The following NCOA1 variants were observed in gnomAD, a reference collection of about 807,000 sequenced individuals.
NCOA1 encodes Hin-2 protein.
Under a neutral mutation model 150.9 loss-of-function variants are expected in NCOA1, and 35 were observed. The ratio of observed to expected loss-of-function variants is 0.23; its 90% CI spans 0.18 to 0.31. NCOA1 has a LOEUF of 0.31. Ranked by LOEUF, NCOA1 falls within the 10% of genes least tolerant of loss-of-function variation. NCOA1 has a pLI of 1.00. For missense variants in NCOA1, 1,491 were observed against 1,749.3 expected, an observed-to-expected ratio of 0.85 and a Z score of 2.63; for synonymous variants, 590 against 630.0, an observed-to-expected ratio of 0.94 and a Z score of 0.95.
Position 24,705,078 on chromosome 2 carries a change from T to G in NCOA1, c.950-8T>G. 6.2e-7 allele frequency: 1 copy of G among 1,610,938 alleles called. No individual in the cohort carries two copies. Among genetic ancestry groups the G allele is most frequent in the Non-Finnish European group, 8.5e-7 (1 of 1,178,336 alleles). The stretch of plus-strand genomic sequence containing the variant: ...ATTTTAACTAGGTTTCTCTTCTGTT[T>G]GAAACAGTGATGACTCGTGGCACTG... On this transcript the variant is annotated splice_polypyrimidine_tract_variant and splice_region_variant and intron_variant, in intron 11 of 22. Transcript: ENST00000348332.
Position 24,612,557 on chromosome 2 carries a change from A to G in NCOA1, c.-175+27997A>G, listed in dbSNP as rs188436204. Among the ~76,000 whole-genome samples the G allele has an allele frequency of 1.2e-4, 18 of 152,230 alleles. No individual in the cohort carries two copies. The East Asian group carries it at 3.1e-3, about 26-fold the overall frequency. ...AAATTTGGTTGCTTTACATAATCCC[A>G]TATTTCTTAAAGACTTTGTTCCTTT... On this transcript the variant is annotated intron_variant, in intron 3 of 22. Transcript: ENST00000348332.
intron 1 of NCOA1, among the ~76,000 whole-genome samples, chr2:24,525,839 A>G (rs1291818810): frequency 2.0e-5 from 3 of 152,020 alleles, no homozygotes; most frequent in African/African-American, 7.2e-5. Flanking sequence ...TGAGCCCCCG[A>G]GCCCGACCTT....
chr2:24,697,929 A>G, intron 11 of NCOA1, 131 bp downstream of exon 11: 1 of 1,024,436 alleles, frequency 9.8e-7, no homozygotes. Context: ...GTTTTAGGAA[A>G]GGAAGAAATG....
chr2:24,557,423 G>T (rs1373749232), intron 1 of NCOA1, among the ~76,000 whole-genome samples: 1 of 151,968 alleles, frequency 6.6e-6, no homozygotes, highest in Non-Finnish European at 1.5e-5. Context: ...AATCTACGGT[G>T]AACAAAGTAA....
chr2:24,497,816 T>G (rs1315660215), intron 1 of NCOA1, among the ~76,000 whole-genome samples: 1 of 152,232 alleles, frequency 6.6e-6, no homozygotes, highest in Non-Finnish European at 1.5e-5. Context: ...CAAGTTTTGT[T>G]GGTATTTAAA....
In NCOA1 at chr2:24,628,026, G is replaced by A. The variant is rs930731863; in HGVS notation, c.-174-15940G>A. ...ATATTAATAATCTGGGAGGCCGGGC[G>A]CGGTGGCTCACGCCTGTAATCCCAG... is the stretch of plus-strand genomic sequence containing the variant. On this transcript the variant is annotated intron_variant, in intron 3 of 22. Coordinates refer to ENST00000348332, the MANE Select transcript of NCOA1 (RefSeq NM_003743.5). Among the ~76,000 whole-genome samples, 14 of 152,116 alleles carry A rather than the reference G, an allele frequency of 9.2e-5. No homozygotes were observed. In the South Asian group the frequency reaches 1.7e-3, roughly 18 times the overall value.
At chr2:24,694,104 G>A (rs532019821) in intron 10 of NCOA1, among the ~76,000 whole-genome samples, 3 of 152,290 alleles carry the variant, frequency 2.0e-5, no homozygotes, top group East Asian at 3.9e-4. Context: ...TAAGTTAGAA[G>A]TACTAGAAGG....
At chr2:24,741,385 G>A (rs1258972980) in intron 18 of NCOA1, among the ~76,000 whole-genome samples, 1 of 152,144 alleles carries the variant, frequency 6.6e-6, no homozygotes, top group Non-Finnish European at 1.5e-5. Context: ...GGATAGGACA[G>A]AAGTCATCAA....
chr2:24,542,937 A>G (rs1665460857), intron 1 of NCOA1, among the ~76,000 whole-genome samples: 1 of 152,238 alleles, frequency 6.6e-6, no homozygotes, highest in South Asian at 2.1e-4. Context: ...TCTAAGCCAC[A>G]GAAATAACAA....
intron 1 of NCOA1, among the ~76,000 whole-genome samples, chr2:24,527,101 A>G (rs1056118859): frequency 2.0e-5 from 3 of 152,194 alleles, no homozygotes; most frequent in Admixed American, 6.5e-5. Context: ...CTATATAGTA[A>G]AATAGTTACT....
At chr2:24,616,978 C>T (rs1195151241) in intron 3 of NCOA1, among the ~76,000 whole-genome samples, 2 of 152,088 alleles carry the variant, frequency 1.3e-5, no homozygotes, top group Non-Finnish European at 2.9e-5. Flanking sequence ...ACTGTGATGA[C>T]AAATCTTAGT....
At chr2:24,556,604 G>A (rs980072865) in intron 1 of NCOA1, among the ~76,000 whole-genome samples, 1 of 152,298 alleles carries the variant, frequency 6.6e-6, no homozygotes, top group African/African-American at 2.4e-5. Flanking sequence ...AGACATTTAT[G>A]TGGCCAACAA....
At chr2:24,534,580 G>C (rs1665044502) in intron 1 of NCOA1, among the ~76,000 whole-genome samples, 1 of 151,728 alleles carries the variant, frequency 6.6e-6, no homozygotes, top group South Asian at 2.1e-4. Flanking sequence ...TTCTCTTGTG[G>C]GCATTTAGTG....
In NCOA1 at chr2:24,642,037, T is replaced by TGTGTGTGTGTGTGTGTGTGTGCGC. The variant is rs942145000; in HGVS notation, c.-174-1928_-174-1927insTGTGTGTGTGTGTGTGTGTGCGCG. Among the ~76,000 whole-genome samples, 66 of 138,558 alleles carry TGTGTGTGTGTGTGTGTGTGTGCGC rather than the reference T, an allele frequency of 4.8e-4. 2 individuals are homozygous for TGTGTGTGTGTGTGTGTGTGTGCGC. Among genetic ancestry groups the TGTGTGTGTGTGTGTGTGTGTGCGC allele is most frequent in the East Asian group, 3.1e-3 (11 of 3,560 alleles). The allele number at this position is 138,558 out of a possible 152,430, so 90.9% of individuals were successfully genotyped here. ...GTGTGTGTGTGTGTGTGTGTGTGTG[T>TGTGTGTGTGTGTGTGTGTGTGCGC]GCGCGCGTGCGTATGTGTGTGTGTA... is the stretch of plus-strand genomic sequence containing the variant. On this transcript the variant is annotated intron_variant, in intron 3 of 22. Transcript: ENST00000348332.
rs567527888 is a variant in NCOA1 at position 24,658,789 on chromosome 2, A to G, written c.89+23A>G. 6.2e-5 allele frequency: 99 copies of G among 1,608,926 alleles called. 1 individual carries two copies. Among genetic ancestry groups the G allele is most frequent in the South Asian group, 5.6e-4 (51 of 90,866 alleles). On this transcript the variant is annotated intron_variant, in intron 5 of 22. Transcript: ENST00000348332. The stretch of plus-strand genomic sequence containing the variant: ...AAGGTAGGAACACTCCTCTTAGTCT[A>G]TTTTTGGCAGAGCTGCTTTATTACT...
Position 24,758,180 on chromosome 2 carries a change from C to T in NCOA1, c.4065+24C>T, listed in dbSNP as rs374125688. 4 of 1,584,832 alleles carry T rather than the reference C, an allele frequency of 2.5e-6. No individual in the cohort carries two copies. The African/African-American group carries it at 4.0e-5, about 16-fold the overall frequency. On this transcript the variant is annotated intron_variant, in intron 21 of 22. Coordinates refer to ENST00000348332, the MANE Select transcript of NCOA1 (RefSeq NM_003743.5). ...AGGTAAGTGGCACACTCGCCACACA[C>T]ATGCCACACCACATCACAGTTAATT... is the stretch of plus-strand genomic sequence containing the variant.
At chr2:24,506,910 G>T (rs1054469595) in intron 1 of NCOA1, among the ~76,000 whole-genome samples, 8 of 152,156 alleles carry the variant, frequency 5.3e-5, no homozygotes, top group African/African-American at 1.9e-4. Flanking sequence ...TGCTTTTACA[G>T]AATTGTTCTT....
At chr2:24,732,812 ATAAC>A (rs1663085623) in intron 17 of NCOA1, among the ~76,000 whole-genome samples, 3 of 152,112 alleles carry the variant, frequency 2.0e-5, no homozygotes, top group Non-Finnish European at 4.4e-5. Context: ...AAACAAAACT[ATAAC>A]TAGCAGAAGA....
chr2:24,750,770 A>G (rs1664183931), intron 19 of NCOA1, among the ~76,000 whole-genome samples: 1 of 152,052 alleles, frequency 6.6e-6, no homozygotes, highest in Admixed American at 6.6e-5. Flanking sequence ...GCACAACTCT[A>G]TAAGGGAATT....
Sources: gnomAD v4.1 joint callset for allele counts (sites outside exome capture counted in the v4.1 genomes callset) on GRCh38, gnomAD v4.1.1 for gene constraint, MANE v1.5 for transcripts, NCBI Gene and HGNC (gene_info 2026-07-23, HGNC 2026-07-21) for gene names.